Variants in BRWD1 observed in about 807,000 individuals in gnomAD.
BRWD1 encodes the protein bromodomain and WD repeat domain containing 1, also known as bromodomain and WD repeat-containing protein 1.
A neutral mutation model predicts 251.2 loss-of-function variants in BRWD1; 82 were observed. The observed-to-expected ratio is 0.33, with a 90% CI of 0.27 to 0.39. The LOEUF is 0.39. Among genes scored for constraint, BRWD1 ranks in the 10% least tolerant of loss-of-function variants. The pLI, the probability that BRWD1 is intolerant of heterozygous loss-of-function variation, is 1.00. For missense variants in BRWD1, 2,233 were observed against 2,711.6 expected (o/e 0.82, Z 3.92); for synonymous variants, 918 against 902.8 (o/e 1.02, Z -0.30).
intron 12 of BRWD1, 146 bp from the exon 13 acceptor site, chr21:39,274,618 T>C (rs2035222676): frequency 9.9e-6 from 7 of 707,818 alleles, no homozygotes; most frequent in South Asian, 9.3e-5. Flanking sequence ...ACAAGGTATT[T>C]AGAGCGTATC....
chr21:39,289,154 T>C (rs909942872), intron 8 of BRWD1, among the ~76,000 whole-genome samples: 3 of 152,200 alleles, frequency 2.0e-5, no homozygotes, highest in Non-Finnish European at 4.4e-5. Context: ...GTACTGTTTT[T>C]TTCTCCTTTC....
chr21:39,290,133 G>A (rs959397422), intron 8 of BRWD1, among the ~76,000 whole-genome samples: 21 of 151,810 alleles, frequency 1.4e-4, no homozygotes, highest in African/African-American at 4.4e-4. Flanking sequence ...TTTTCTTCTG[G>A]CCTCAATTCC....
intron 5 of BRWD1, chr21:39,297,345 T>C (rs1215936412): frequency 2.0e-6 from 2 of 985,490 alleles, no homozygotes; most frequent in African/African-American, 1.7e-5. Flanking sequence ...CAAGGCATCC[T>C]CCTGGGGTAC....
chr21:39,187,222 T>C lies in BRWD1; in HGVS notation c.*9037A>G, dbSNP rs1231577503. ...GCTACTCTTCCTAATCCAGACATTTTCTGGTCCTGAGATCGTTTCTTTTAG... is the reference window on the plus strand; with the variant it reads ...GCTACTCTTCCTAATCCAGACATTTCCTGGTCCTGAGATCGTTTCTTTTAG... On this transcript the variant is annotated 3_prime_UTR_variant, in exon 41 of 41. Coordinates refer to ENST00000342449, the MANE Select transcript of BRWD1 (RefSeq NM_033656.4). The C allele has an allele frequency of 1.2e-6, 2 of 1,613,330 alleles. No homozygotes were observed. Among genetic ancestry groups the C allele is most frequent in the Non-Finnish European group, 1.7e-6 (2 of 1,179,830 alleles).
chr21:39,244,725 G>C (rs2836952), intron 21 of BRWD1, among the ~76,000 whole-genome samples: 70,568 of 151,280 alleles, frequency 0.47, 16,642 homozygotes, highest in Admixed American at 0.53. Flanking sequence ...TACTGTGTTG[G>C]GCAAATTCAA....
Position 39,293,760 on chromosome 21 carries a change from G to C in BRWD1, c.831+51C>G, listed in dbSNP as rs775395638. On this transcript the variant is annotated intron_variant, in intron 8 of 40. Coordinates refer to ENST00000342449, the MANE Select transcript of BRWD1 (RefSeq NM_033656.4). ...TCAATTCCAAAGAAACTGTTTTAAA[G>C]AAAAAGGTGAAAATACATATAGGAA... 4 of 1,439,756 alleles carry C rather than the reference G, an allele frequency of 2.8e-6. No individual in the cohort carries two copies. In the South Asian group the frequency reaches 4.8e-5, roughly 17 times the overall value. The allele number at this position is 1,439,756 out of a possible 1,614,324, so 89.2% of individuals were successfully genotyped here. A position where few individuals can be genotyped will look rare whatever the true frequency, so the allele number is the denominator to read the frequency against.
intron 36 of BRWD1, among the ~76,000 whole-genome samples, chr21:39,207,174 C>T (rs984760078): frequency 1.3e-5 from 2 of 152,058 alleles, no homozygotes; most frequent in Admixed American, 1.3e-4. Flanking sequence ...GTGGCTCATG[C>T]CTATAATCCC....
intron 27 of BRWD1, among the ~76,000 whole-genome samples, chr21:39,226,741 A>AG (rs2033399469): frequency 6.6e-6 from 1 of 152,218 alleles, no homozygotes; most frequent in Non-Finnish European, 1.5e-5. Context: ...ATCTATAAAG[A>AG]GGAGCCACAC....
chr21:39,194,949 C>A lies in BRWD1; in HGVS notation c.*1310G>T. On this transcript the variant is annotated 3_prime_UTR_variant, in exon 41 of 41. Transcript: ENST00000342449. The stretch of plus-strand genomic sequence containing the variant: ...ATCCCTTACCCACTAAATATGTAAA[C>A]CATTTGAATCAAGTCCATCTTCAGG... 6.9e-7 allele frequency: 1 copy of A among 1,459,746 alleles called. No individual in the cohort carries two copies. Among genetic ancestry groups the A allele is most frequent in the East Asian group, 2.5e-5 (1 of 40,284 alleles). 90.4% of individuals were successfully genotyped at this position (1,459,746 alleles called of 1,614,324 possible). A position where few individuals can be genotyped will look rare whatever the true frequency, so the allele number is the denominator to read the frequency against.
Position 39,195,158 on chromosome 21 carries a change from G to A in BRWD1, c.*1101C>T. The stretch of plus-strand genomic sequence containing the variant: ...GAAGTCACTAATAAAGATACATTTA[G>A]TTGCCCCAGCAAAGAATGCTTAGGA... On this transcript the variant is annotated 3_prime_UTR_variant, in exon 41 of 41. Coordinates refer to ENST00000342449, the MANE Select transcript of BRWD1 (RefSeq NM_033656.4). 9.2e-7 allele frequency: 1 copy of A among 1,083,492 alleles called. No homozygotes were observed. The highest frequency in any genetic ancestry group is 1.1e-6 in the Non-Finnish European group (1 of 892,018). The allele number at this position is 1,083,492 out of a possible 1,614,324, so 67.1% of individuals were successfully genotyped here. A position where few individuals can be genotyped will look rare whatever the true frequency, so the allele number is the denominator to read the frequency against.
At chr21:39,296,486 A>C in intron 5 of BRWD1, 123 bp from the exon 6 acceptor site, 1 of 1,273,940 alleles carries the variant, frequency 7.8e-7, no homozygotes, top group Non-Finnish European at 9.9e-7. Flanking sequence ...AGTATACTTT[A>C]ACAGAAAAGC....
rs942809925 is a variant in BRWD1, at chr21:39,253,812, A to C, written c.2255+1833T>G. Among the ~76,000 whole-genome samples the C allele has an allele frequency of 2.3e-4, 35 of 152,248 alleles. 1 individual carries two copies. Among genetic ancestry groups the C allele is most frequent in the Non-Finnish European group, 7.3e-5 (5 of 68,040 alleles). ...CATACAAACATGAGAAAATACTGAA[A>C]CATTTTAGATATCATTCTAAAAAGT... On this transcript the variant is annotated intron_variant, in intron 19 of 40. Coordinates refer to ENST00000342449, the MANE Select transcript of BRWD1 (RefSeq NM_033656.4).
At position 39,212,682 on chromosome 21, in the gene BRWD1, G is replaced by C; in HGVS notation, c.3884C>G (p.Ser1295Cys). Residue 1295 changes from serine to cysteine, a missense_variant, in exon 34 of 41, where the codon TCT becomes TGT. Physicochemically the swap from Ser to Cys is moderately radical, Grantham distance 112 (BLOSUM62 -1). Around this residue, in one of 12 missense-constraint regions of BRWD1, gnomAD observed 167 missense variants for 183.2 expected, o/e 0.91. Transcript: ENST00000342449. ...GTAACTTACTCTCCTCCTTCCAGAA[G>C]ATGTTTTAGGAAGATCACTATCATC... is the stretch of plus-strand genomic sequence containing the variant. ...DLDDSDLPKT[S>C]SGRRRVHDGK... 3 of 1,578,530 alleles carry C rather than the reference G, an allele frequency of 1.9e-6. No homozygotes were observed. Among genetic ancestry groups the C allele is most frequent in the Non-Finnish European group, 2.6e-6 (3 of 1,151,262 alleles).
chr21:39,226,190 T>A (rs913021257), intron 27 of BRWD1, among the ~76,000 whole-genome samples: 2 of 152,186 alleles, frequency 1.3e-5, no homozygotes, highest in Non-Finnish European at 2.9e-5. Context: ...AGTTTTCTCA[T>A]AATAAAAGTG....
At chr21:39,210,637 A>C in intron 35 of BRWD1, 149 bp downstream of exon 35, 1 of 882,152 alleles carries the variant, frequency 1.1e-6, no homozygotes, top group Non-Finnish European at 1.6e-6. Flanking sequence ...ACTATGTAAA[A>C]ACAATACTTC....
At chr21:39,272,608 C>CTTT (rs777403730) in intron 13 of BRWD1, among the ~76,000 whole-genome samples, 1 of 131,878 alleles carries the variant, frequency 7.6e-6, no homozygotes, top group African/African-American at 2.8e-5. Flanking sequence ...AATAACATTG[C>CTTT]TTTTTTTTTT....
chr21:39,263,011 G>T (rs986265099), intron 17 of BRWD1, among the ~76,000 whole-genome samples: 1 of 151,996 alleles, frequency 6.6e-6, no homozygotes, highest in Non-Finnish European at 1.5e-5. Context: ...AGCTACTCAG[G>T]AGGCTGAGGT....
chr21:39,276,329 G>C, intron 11 of BRWD1, 116 bp from the exon 12 acceptor site: 2 of 755,636 alleles, frequency 2.6e-6, no homozygotes, highest in Non-Finnish European at 2.0e-6. Flanking sequence ...ATTTGCACTT[G>C]TGTTGCTTAG....
upstream of BRWD1, among the ~76,000 whole-genome samples, chr21:39,315,991 C>G (rs1159222008): frequency 6.6e-6 from 1 of 152,098 alleles, no homozygotes; most frequent in Non-Finnish European, 1.5e-5. Context: ...TTTAAGGAAC[C>G]AGAAGTTTAG....
Sources: gnomAD v4.1 joint callset for allele counts (sites outside exome capture counted in the v4.1 genomes callset) on GRCh38, gnomAD v4.1.1 for gene constraint, gnomAD v4.1.1 regional missense constraint, MANE v1.5 for transcripts, NCBI Gene and HGNC (gene_info 2026-07-23, HGNC 2026-07-21) for gene names.